Variants in USP9X observed in about 807,000 individuals in gnomAD.
USP9X encodes ubiquitin specific peptidase 9 X-linked.
In USP9X, 7 loss-of-function variants were observed where a neutral mutation model predicts 190.3. The observed-to-expected ratio is 0.04, with a 90% CI of 0.02 to 0.07. The LOEUF is 0.07. Among genes scored for constraint, USP9X ranks in the 10% least tolerant of loss-of-function variants. The pLI is 1.00. For synonymous variants in USP9X, 645 were observed against 659.5 expected (o/e 0.98, Z 0.34); for missense variants, 1,010 against 1,916.9 (o/e 0.53, Z 8.83).
In USP9X at chrX:41,197,352, C is replaced by CCCCCGGGGGGGG; in HGVS notation, c.4234-12_4234-11insCCCCGGGGGGGG. 5.1e-6 allele frequency: 5 copies of CCCCCGGGGGGGG among 988,189 alleles called. No homozygotes were observed. Among genetic ancestry groups the CCCCCGGGGGGGG allele is most frequent in the Non-Finnish European group, 6.6e-6 (5 of 759,359 alleles). 81.4% of individuals were successfully genotyped at this position (988,189 alleles called of 1,213,427 possible). On this transcript the variant is annotated splice_polypyrimidine_tract_variant and intron_variant, in intron 28 of 44. Coordinates refer to ENST00000378308, the MANE Select transcript of USP9X (RefSeq NM_001039591.3). ...TTCTTCCCCCCCCCACCCCACCCCC[C>CCCCCGGGGGGGG]GCCTTTGGCAGGATGATGTTAAAAG...
intron 15 of USP9X, among the ~76,000 whole-genome samples, chrX:41,163,750 A>AT (rs1190393257): frequency 2.1e-4 from 23 of 107,095 alleles, no homozygotes; most frequent in Non-Finnish European, 3.3e-4. Context: ...AAAAAAAAAA[A>AT]TTTTTTTTTT....
intron 31 of USP9X, among the ~76,000 whole-genome samples, chrX:41,201,759 T>C (rs1184681558): frequency 8.9e-6 from 1 of 112,240 alleles, no homozygotes; most frequent in Non-Finnish European, 1.9e-5. Context: ...TCACCTGAGG[T>C]CAGGAGTTCA....
chrX:41,090,183 C>G (rs964444273), intron 1 of USP9X, among the ~76,000 whole-genome samples: 11 of 109,520 alleles, frequency 1.0e-4, no homozygotes, highest in African/African-American at 3.7e-4. Flanking sequence ...TTAGGATTCC[C>G]GGCATGAGCG....
intron 38 of USP9X, among the ~76,000 whole-genome samples, chrX:41,219,862 G>T (rs2063245259): frequency 9.0e-6 from 1 of 111,356 alleles, no homozygotes; most frequent in South Asian, 3.7e-4. Flanking sequence ...GCATATGCCT[G>T]TAGTCCTAGC....
intron 1 of USP9X, among the ~76,000 whole-genome samples, chrX:41,101,106 A>T (rs986073111): frequency 8.9e-6 from 1 of 111,790 alleles, no homozygotes; most frequent in Non-Finnish European, 1.9e-5. Context: ...TTCGTCTTTT[A>T]TATACTATAT....
intron 21 of USP9X, among the ~76,000 whole-genome samples, chrX:41,183,611 G>A (rs774565510): frequency 6.3e-5 from 7 of 111,502 alleles, no homozygotes; most frequent in Non-Finnish European, 1.1e-4. Flanking sequence ...TTAATATATA[G>A]TGTCAGGGGG....
Position 41,196,623 on chromosome X carries a change from G to A in USP9X, c.4118G>A (p.Gly1373Asp), listed in dbSNP as rs1040065192. The A allele has an allele frequency of 8.3e-7, 1 of 1,208,867 alleles. No individual in the cohort carries two copies. Among genetic ancestry groups the A allele is most frequent in the Non-Finnish European group, 1.1e-6 (1 of 894,091 alleles). The change falls in exon 28 of 45, where the codon GGC becomes GAC. Residue 1373 changes from glycine to aspartate, a missense_variant. By Grantham distance (94) the Gly-to-Asp change is moderately conservative (BLOSUM62 -1). This residue lies in a region of USP9X where 351 missense variants were observed against 480.8 expected (regional missense o/e 0.73). Coordinates refer to ENST00000378308, the MANE Select transcript of USP9X (RefSeq NM_001039591.3). Reference protein sequence around the residue: ...STARERAKHSGDYFTLLRHLL... With the variant: ...STARERAKHSDDYFTLLRHLL... Reference sequence around the variant, plus strand: ...GCAAGAGAGAGAGCTAAACACTCAGGCGACTACTTTACTCTTTTAAGACAC... The same window carrying A: ...GCAAGAGAGAGAGCTAAACACTCAGACGACTACTTTACTCTTTTAAGACAC...
intron 14 of USP9X, among the ~76,000 whole-genome samples, chrX:41,155,822 C>G (rs1463338645): frequency 1.8e-5 from 2 of 111,812 alleles, no homozygotes; most frequent in Non-Finnish European, 3.8e-5. Flanking sequence ...TGTTTCCAGG[C>G]GTGGAACAGG....
intron 1 of USP9X, among the ~76,000 whole-genome samples, chrX:41,104,743 C>T (rs2062057254): frequency 9.0e-6 from 1 of 111,124 alleles, no homozygotes; most frequent in South Asian, 3.8e-4. Context: ...ATACATTCTC[C>T]TATTAAAGCT....
intron 15 of USP9X, among the ~76,000 whole-genome samples, chrX:41,164,728 T>C (rs1368447015): frequency 8.9e-6 from 1 of 112,167 alleles, no homozygotes; most frequent in East Asian, 2.8e-4. Context: ...TTCCAATGGC[T>C]TAAGGTAGCT....
chrX:41,092,016 T>A (rs947544657), intron 1 of USP9X, among the ~76,000 whole-genome samples: 7 of 112,150 alleles, frequency 6.2e-5, no homozygotes, highest in African/African-American at 1.9e-4. Context: ...GTATTTAACT[T>A]GCAGTACCTC....
intron 11 of USP9X, among the ~76,000 whole-genome samples, chrX:41,144,877 G>C (rs1354209484): frequency 3.6e-5 from 4 of 110,870 alleles, no homozygotes; most frequent in African/African-American, 6.6e-5. Flanking sequence ...TTTAGTTACA[G>C]GTTCAAGCAA....
intron 1 of USP9X, among the ~76,000 whole-genome samples, chrX:41,113,587 A>G (rs1432543647): frequency 4.4e-5 from 5 of 112,489 alleles, no homozygotes; most frequent in East Asian, 2.7e-4. Flanking sequence ...TGTAATAAAC[A>G]TGAAACAATT....
intron 41 of USP9X, among the ~76,000 whole-genome samples, chrX:41,228,764 G>C (rs1262320981): frequency 8.9e-6 from 1 of 112,201 alleles, no homozygotes; most frequent in East Asian, 2.8e-4. Flanking sequence ...ACACTGCTCC[G>C]CAGCTATATG....
Position 41,205,400 on chromosome X carries a change from T to G in USP9X, c.4922T>G (p.Ile1641Ser). The G allele has an allele frequency of 8.3e-7, 1 of 1,209,294 alleles. No homozygotes were observed. The highest frequency in any genetic ancestry group is 1.1e-6 in the Non-Finnish European group (1 of 893,559). ...SKTEDRKEYNIGVLRHLQVIF... is the reference protein window; with the variant it reads ...SKTEDRKEYNSGVLRHLQVIF... ...ACTGAAGATAGAAAAGAGTACAACA[T>G]TGGTGTCCTAAGACACCTTCAGGTC... is the stretch of plus-strand genomic sequence containing the variant. The change falls in exon 32 of 45, where the codon ATT becomes AGT. Residue 1641 changes from isoleucine to serine, a missense_variant. By Grantham distance (142) the Ile-to-Ser change is moderately radical. Around this residue, in one of 11 missense-constraint regions of USP9X, gnomAD observed 120 missense variants for 342.7 expected, o/e 0.35. Coordinates refer to ENST00000378308, the MANE Select transcript of USP9X (RefSeq NM_001039591.3).
At chrX:41,206,254 A>G (rs1344097027) in intron 32 of USP9X, among the ~76,000 whole-genome samples, 1 of 111,766 alleles carries the variant, frequency 8.9e-6, no homozygotes, top group African/African-American at 3.3e-5. Flanking sequence ...ATACTTAAGT[A>G]TGTGTCTGTA....
At chrX:41,162,983 C>A in intron 15 of USP9X, 106 bp downstream of exon 15, 1 of 480,376 alleles carries the variant, frequency 2.1e-6, no homozygotes, top group South Asian at 7.7e-5. Flanking sequence ...TTCCCAAGTC[C>A]CCAAGTCATG....
Position 41,229,638 on chromosome X carries a change from A to G in USP9X, c.7290A>G (p.Pro2430=), listed in dbSNP as rs1356025475. Residue 2430 remains proline, a synonymous_variant, in exon 43 of 45, where the codon CCA becomes CCG. Coordinates refer to ENST00000378308, the MANE Select transcript of USP9X (RefSeq NM_001039591.3). ...TTGGAGATGAACTTGAAAGAAGACC[A>G]TATACTGGCAATCCTCAGTACACTT... ...EWLGDELERR[P]YTGNPQYTYN... is the part of the protein sequence containing the mutation. The G allele has an allele frequency of 1.7e-6, 2 of 1,211,845 alleles. No homozygotes were observed. The highest frequency in any genetic ancestry group is 2.2e-5 in the Admixed American group (1 of 46,009).
chrX:41,197,293 T>G (rs762686726), intron 28 of USP9X, 71 bp from the exon 29 acceptor site: 2 of 814,129 alleles, frequency 2.5e-6, no homozygotes, highest in Non-Finnish European at 3.5e-6. Flanking sequence ...CCTCTCTCCC[T>G]CTTTACCTCC....
Sources: allele counts gnomAD v4.1 joint callset (sites outside exome capture counted in the v4.1 genomes callset), GRCh38; gene constraint gnomAD v4.1.1; regional missense constraint gnomAD v4.1.1; transcripts MANE v1.5; gene names NCBI Gene and HGNC (gene_info 2026-07-23, HGNC 2026-07-21).